Variants in FHL5 observed in about 807,000 individuals in gnomAD.
FHL5 encodes four and a half LIM domains protein 5.
FHL5 carries 33 observed loss-of-function variants against 32.0 expected under a neutral mutation model. The observed-to-expected ratio is 1.03, with a 90% CI of 0.78 to 1.38. FHL5 has a LOEUF of 1.38. Among genes scored for constraint, FHL5 ranks in the 40% most tolerant of loss-of-function variants. The pLI, the probability that FHL5 is intolerant of heterozygous loss-of-function variation, is 0.00. For missense variants in FHL5, 336 were observed against 343.9 expected, an observed-to-expected ratio of 0.98 and a Z score of 0.18; for synonymous variants, 114 against 113.6, an observed-to-expected ratio of 1.00 and a Z score of -0.02.
intron 5 of FHL5, among the ~76,000 whole-genome samples, chr6:96,614,927 G>C (rs1771485534): frequency 6.6e-6 from 1 of 152,182 alleles, no homozygotes; most frequent in Admixed American, 6.5e-5. Context: ...TGATAACGTG[G>C]CTTCATTGGC....
intron 3 of FHL5, 59 bp from the exon 4 acceptor site, chr6:96,605,843 G>T: frequency 7.0e-7 from 1 of 1,429,116 alleles, no homozygotes; most frequent in Non-Finnish European, 9.6e-7. Context: ...ATCTGTATTT[G>T]CTTAAAAAAT....
At chr6:96,579,140 G>A (rs547306283) in intron 1 of FHL5, among the ~76,000 whole-genome samples, 1 of 152,194 alleles carries the variant, frequency 6.6e-6, no homozygotes, top group South Asian at 2.1e-4. Context: ...TTTGAAATAG[G>A]CAACTCATTC....
chr6:96,595,910 C>A (rs1469637201), intron 1 of FHL5, among the ~76,000 whole-genome samples: 1 of 151,754 alleles, frequency 6.6e-6, no homozygotes, highest in Non-Finnish European at 1.5e-5. Flanking sequence ...GTTGGTGATC[C>A]AAGTATTTTC....
At chr6:96,605,478 T>C (rs1182106514) in intron 3 of FHL5, among the ~76,000 whole-genome samples, 1 of 152,236 alleles carries the variant, frequency 6.6e-6, no homozygotes, top group African/African-American at 2.4e-5. Context: ...TCTCTCATTT[T>C]CTTATTATGG....
chr6:96,602,451 T>C (rs1771173333), intron 1 of FHL5, among the ~76,000 whole-genome samples: 2 of 121,500 alleles, frequency 1.6e-5, no homozygotes, highest in Admixed American at 8.1e-5. Flanking sequence ...TTTTTTTTTT[T>C]TTTTTTTTTT....
chr6:96,584,704 A>G (rs1339744757), intron 1 of FHL5, among the ~76,000 whole-genome samples: 1 of 152,152 alleles, frequency 6.6e-6, no homozygotes, highest in Non-Finnish European at 1.5e-5. Flanking sequence ...GGAAAATTGA[A>G]TTTATCATTA....
Position 96,606,045 on chromosome 6 carries a change from G to C in FHL5, c.478G>C (p.Ala160Pro), listed in dbSNP as rs759292127. 11 of 1,613,858 alleles carry C rather than the reference G, an allele frequency of 6.8e-6. No homozygotes were observed. The highest frequency in any genetic ancestry group is 1.1e-5 in the South Asian group (1 of 91,074). ...TGTGCCATGTTTTGAGAAGGAGTTTGCTCACTACTGCAACTTTTGTAAGAA... is the reference window on the plus strand; with the variant it reads ...TGTGCCATGTTTTGAGAAGGAGTTTCCTCACTACTGCAACTTTTGTAAGAA... The part of the protein sequence containing the change: ...YCVPCFEKEF[A>P]HYCNFCKKVI... The change falls in exon 4 of 6, where the codon GCT (alanine) becomes CCT (proline). Residue 160 changes from alanine to proline, a missense_variant. Physicochemically the swap from Ala to Pro is conservative, Grantham distance 27. Coordinates refer to ENST00000450218, the MANE Select transcript of FHL5 (RefSeq NM_001322466.2).
At chr6:96,578,852 A>T (rs1217525962) in intron 1 of FHL5, among the ~76,000 whole-genome samples, 1 of 152,166 alleles carries the variant, frequency 6.6e-6, no homozygotes, top group Non-Finnish European at 1.5e-5. Context: ...AAAAAAAAAT[A>T]AATAAATAAA....
intron 5 of FHL5, among the ~76,000 whole-genome samples, chr6:96,614,530 T>C (rs1771477871): frequency 6.6e-6 from 1 of 152,194 alleles, no homozygotes; most frequent in Non-Finnish European, 1.5e-5. Context: ...AAGAAGAATG[T>C]ATCTGAAATA....
Position 96,606,300 on chromosome 6 carries a change from A to G in FHL5, c.504+229A>G, listed in dbSNP as rs755367364. On this transcript the variant is annotated intron_variant, in intron 4 of 5. Transcript: ENST00000450218. Reference sequence around the variant, plus strand: ...GCCACAACAAGAATTTAATATTCCAAACAGCTCAAGTGATTTGGTATTCCA... The same window carrying G: ...GCCACAACAAGAATTTAATATTCCAGACAGCTCAAGTGATTTGGTATTCCA... Among the ~76,000 whole-genome samples the G allele has an allele frequency of 2.6e-5, 4 of 151,992 alleles. No homozygotes were observed. In the South Asian group the frequency reaches 8.3e-4, roughly 32 times the overall value.
At chr6:96,589,709 G>A (rs1770875981) in intron 1 of FHL5, among the ~76,000 whole-genome samples, 1 of 151,710 alleles carries the variant, frequency 6.6e-6, no homozygotes, top group Non-Finnish European at 1.5e-5. Flanking sequence ...TTCTCTACAT[G>A]GCCAGCATAT....
At chr6:96,577,170 A>C (rs767986662) in intron 1 of FHL5, among the ~76,000 whole-genome samples, 116 of 152,208 alleles carry the variant, frequency 7.6e-4, no homozygotes, top group Non-Finnish European at 1.4e-3. Flanking sequence ...CCCACCACCA[A>C]CATCATCAAC....
chr6:96,579,185 A>C (rs1381165243), intron 1 of FHL5, among the ~76,000 whole-genome samples: 1 of 152,196 alleles, frequency 6.6e-6, no homozygotes, highest in Non-Finnish European at 1.5e-5. Flanking sequence ...CAAATTCTGC[A>C]TCATGAAAAA....
In FHL5 at chr6:96,606,173, A is replaced by G. The variant is rs529511072; in HGVS notation, c.504+102A>G. On this transcript the variant is annotated intron_variant, in intron 4 of 5. Transcript: ENST00000450218. ...CTGATACTATTATGTTATATCTGTA[A>G]TCAACACACCCATGGTAGTTTGGAC... 5.2e-5 allele frequency: 49 copies of G among 947,178 alleles called. 1 individual carries two copies. The South Asian group carries it at 7.3e-4, about 14-fold the overall frequency. 58.7% of individuals were successfully genotyped at this position (947,178 alleles called of 1,614,324 possible). A position where few individuals can be genotyped will look rare whatever the true frequency, so the allele number is the denominator to read the frequency against.
At chr6:96,599,185 T>A (rs764488184) in intron 1 of FHL5, among the ~76,000 whole-genome samples, 107 of 148,202 alleles carry the variant, frequency 7.2e-4, no homozygotes, top group Non-Finnish European at 1.2e-3. Context: ...ACCAGTGAAC[T>A]TACATCTTTT....
intron 1 of FHL5, among the ~76,000 whole-genome samples, chr6:96,581,199 T>C (rs1370452100): frequency 6.6e-6 from 1 of 152,168 alleles, no homozygotes. Context: ...TTAAATTCAA[T>C]ATATTTGTCC....
intron 4 of FHL5, among the ~76,000 whole-genome samples, chr6:96,607,295 T>C (rs1771304078): frequency 1.3e-5 from 2 of 152,104 alleles, no homozygotes; most frequent in Admixed American, 6.5e-5. Flanking sequence ...TTTCAAAGTA[T>C]TTTTTATCTG....
At chr6:96,611,382 C>T (rs967151729) in intron 5 of FHL5, among the ~76,000 whole-genome samples, 1 of 151,922 alleles carries the variant, frequency 6.6e-6, no homozygotes, top group African/African-American at 2.4e-5. Context: ...AAAAATGTGA[C>T]ATGATTTGAA....
At chr6:96,565,593 A>C (rs1479842917) in intron 1 of FHL5, among the ~76,000 whole-genome samples, 1 of 152,144 alleles carries the variant, frequency 6.6e-6, no homozygotes, top group African/African-American at 2.4e-5. Context: ...ATACTCACCA[A>C]ATGGATCCTG....
Sources: allele counts gnomAD v4.1 joint callset (sites outside exome capture counted in the v4.1 genomes callset), GRCh38; gene constraint gnomAD v4.1.1; transcripts MANE v1.5; gene names NCBI Gene and HGNC (gene_info 2026-07-23, HGNC 2026-07-21).